PTCHD1: variants seen among roughly 807,000 people sequenced by gnomAD.
PTCHD1 encodes patched domain-containing protein 1.
PTCHD1 carries 3 observed loss-of-function variants against 34.6 expected under a neutral mutation model. The observed-to-expected ratio is 0.09, with a 90% CI of 0.04 to 0.22. The LOEUF (loss-of-function observed/expected upper bound fraction) is 0.22. PTCHD1 is among the 10% of genes least tolerant of loss of function. The pLI is 1.00. For missense variants in PTCHD1, 504 were observed against 685.5 expected (o/e 0.74, Z 2.96); for synonymous variants, 305 against 283.1 (o/e 1.08, Z -0.77).
At chrX:23,362,063 C>G (rs990077279) in intron 1 of PTCHD1, among the ~76,000 whole-genome samples, 1 of 112,244 alleles carries the variant, frequency 8.9e-6, no homozygotes, top group Non-Finnish European at 1.9e-5. Flanking sequence ...CCCGACCTTT[C>G]TCTCTGGCTG....
intron 2 of PTCHD1, among the ~76,000 whole-genome samples, chrX:23,390,018 A>G (rs758653557): frequency 8.9e-6 from 1 of 112,099 alleles, no homozygotes; most frequent in Admixed American, 9.4e-5. Flanking sequence ...AGCTTCTAAG[A>G]TTATTCAACA....
chrX:23,378,026 A>G (rs2146640494), intron 1 of PTCHD1, among the ~76,000 whole-genome samples: 1 of 112,128 alleles, frequency 8.9e-6, no homozygotes, highest in South Asian at 3.7e-4. Flanking sequence ...ATGGCTATCT[A>G]TACTCTTGAG....
Position 23,394,092 on chromosome X carries a change from G to T in PTCHD1, c.2574G>T (p.Glu858Asp), listed in dbSNP as rs777421184. ...FLPPSKKKRK[E>D]KKNPENREEI... ...CACCCTCTAAGAAAAAAAGGAAAGA[G>T]AAGAAAAATCCTGAGAACCGGGAGG... Residue 858 changes from glutamate to aspartate, a missense_variant, in exon 3 of 3, where the codon GAG (glutamate) becomes GAT (aspartate). Physicochemically the swap from Glu to Asp is conservative, Grantham distance 45. Transcript: ENST00000379361. 2.5e-6 allele frequency: 3 copies of T among 1,210,267 alleles called. No individual in the cohort carries two copies. The highest frequency in any genetic ancestry group is 3.4e-6 in the Non-Finnish European group (3 of 894,853).
chrX:23,394,016 T>A lies in PTCHD1; in HGVS notation c.2498T>A (p.Val833Asp). The change falls in exon 3 of 3, where the codon GTC becomes GAC. Residue 833 changes from valine (V) to aspartate (D), a missense_variant. By Grantham distance (152) the Val-to-Asp change is radical. Coordinates refer to ENST00000379361, the MANE Select transcript of PTCHD1 (RefSeq NM_173495.3). ...AGGTGCTTGTTTTTAATAGCATTTG[T>A]CACCTTCTTTCACTGCTTTGCCATT... ...LFRCLFLIAF[V>D]TFFHCFAILP... 1 of 1,210,636 alleles carries A rather than the reference T, an allele frequency of 8.3e-7. No individual in the cohort carries two copies. The highest frequency in any genetic ancestry group is 1.1e-6 in the Non-Finnish European group (1 of 895,048).
rs1400874479 is a variant in PTCHD1, at chrX:23,396,328, T to G, written c.*2143T>G. ...AGCTTTAATCTGAGGGCAAGTACAG[T>G]CCTGACAAAAGGGCAAGTTTGCATA... On this transcript the variant is annotated 3_prime_UTR_variant, in exon 3 of 3. Coordinates refer to ENST00000379361, the MANE Select transcript of PTCHD1 (RefSeq NM_173495.3). The G allele has an allele frequency of 8.9e-6, 1 of 112,193 alleles. No individual in the cohort carries two copies. The highest frequency in any genetic ancestry group is 1.9e-5 in the Non-Finnish European group (1 of 53,216). The allele number at this position is 112,193 out of a possible 1,213,427, so 9.2% of individuals were successfully genotyped here.
At chrX:23,338,845 G>T (rs1258449618) in intron 1 of PTCHD1, among the ~76,000 whole-genome samples, 2 of 112,279 alleles carry the variant, frequency 1.8e-5, no homozygotes, top group Non-Finnish European at 3.8e-5. Flanking sequence ...CCATCCAGTT[G>T]TTCTAATAGT....
chrX:23,369,930 C>T (rs537715024), intron 1 of PTCHD1, among the ~76,000 whole-genome samples: 1 of 112,095 alleles, frequency 8.9e-6, no homozygotes, highest in Admixed American at 9.5e-5. Context: ...AAAAATCGGT[C>T]ACCTTTACAT....
chrX:23,335,920 G>A (rs1281646593), intron 1 of PTCHD1, among the ~76,000 whole-genome samples: 2 of 111,960 alleles, frequency 1.8e-5, no homozygotes, highest in Non-Finnish European at 3.8e-5. Context: ...TTTCACAGTA[G>A]CTCCTCAAGA....
intron 1 of PTCHD1, among the ~76,000 whole-genome samples, chrX:23,372,845 C>T (rs778035864): frequency 1.8e-5 from 2 of 112,130 alleles, no homozygotes; most frequent in East Asian, 5.6e-4. Flanking sequence ...GACCATGAAA[C>T]TCAAGTGAGG....
At chrX:23,352,682 A>G in intron 1 of PTCHD1, among the ~76,000 whole-genome samples, 1 of 111,511 alleles carries the variant, frequency 9.0e-6, no homozygotes, top group Non-Finnish European at 1.9e-5. Context: ...CTGGCTACAT[A>G]TTAGAATCAC....
At chrX:23,376,368 G>A (rs1400068295) in intron 1 of PTCHD1, among the ~76,000 whole-genome samples, 4 of 111,461 alleles carry the variant, frequency 3.6e-5, no homozygotes, top group Non-Finnish European at 7.5e-5. Flanking sequence ...TATATGGATC[G>A]CAGTTGTCCA....
At chrX:23,388,155 C>T (rs950402572) in intron 2 of PTCHD1, among the ~76,000 whole-genome samples, 15 of 111,366 alleles carry the variant, frequency 1.3e-4, no homozygotes, top group African/African-American at 4.9e-4. Context: ...TCCCTACTGA[C>T]CAAAATCAAA....
At chrX:23,373,427 GGATA>G (rs1487261582) in intron 1 of PTCHD1, among the ~76,000 whole-genome samples, 1 of 112,814 alleles carries the variant, frequency 8.9e-6, no homozygotes, top group Non-Finnish European at 1.9e-5. Context: ...GGAAGTGTGT[GGATA>G]GATAGTCACT....
At chrX:23,386,580 C>T (rs1213028290) in intron 2 of PTCHD1, among the ~76,000 whole-genome samples, 1 of 112,204 alleles carries the variant, frequency 8.9e-6, no homozygotes, top group Non-Finnish European at 1.9e-5. Context: ...TCAACCCAGA[C>T]ATATATACAC....
rs1404949801 is a variant in PTCHD1, at chrX:23,393,611, C to T, written c.2093C>T (p.Ala698Val). Residue 698 changes from alanine (A) to valine (V), a missense_variant, in exon 3 of 3, where the codon GCC (alanine) becomes GTC (valine). Transcript: ENST00000379361. ...YMDRYASSLG[A>V]PLHNSCISAL... ...GATCGATATGCCTCCTCTCTGGGAG[C>T]CCCCCTGCACAACTCCTGCATCAGT... 1 of 1,209,150 alleles carries T rather than the reference C, an allele frequency of 8.3e-7. No homozygotes were observed. The highest frequency in any genetic ancestry group is 1.1e-6 in the Non-Finnish European group (1 of 894,652).
chrX:23,358,567 A>C (rs1265163378), intron 1 of PTCHD1, among the ~76,000 whole-genome samples: 1 of 111,628 alleles, frequency 9.0e-6, no homozygotes, highest in Middle Eastern at 4.2e-3. Context: ...AGATGGGTAA[A>C]TTGCAAAAAT....
At chrX:23,349,263 A>T (rs1921561646) in intron 1 of PTCHD1, among the ~76,000 whole-genome samples, 1 of 111,909 alleles carries the variant, frequency 8.9e-6, no homozygotes, top group South Asian at 3.7e-4. Flanking sequence ...CAACAAAAAC[A>T]AAAAACAGAA....
chrX:23,399,397 T>C lies in PTCHD1; in HGVS notation c.*5212T>C, dbSNP rs922029723. On this transcript the variant is annotated 3_prime_UTR_variant, in exon 3 of 3. Coordinates refer to ENST00000379361, the MANE Select transcript of PTCHD1 (RefSeq NM_173495.3). ...CTGAGTTTCCTACAATTAAGTTACA[T>C]GCAAAAATGTGTGTATATGTTCAAC... The C allele has an allele frequency of 6.3e-5, 7 of 111,306 alleles. No homozygotes were observed. Among genetic ancestry groups the C allele is most frequent in the African/African-American group, 1.6e-4 (5 of 30,612 alleles). 9.2% of individuals were successfully genotyped at this position (111,306 alleles called of 1,213,427 possible). A position where few individuals can be genotyped will look rare whatever the true frequency, so the allele number is the denominator to read the frequency against.
chrX:23,374,041 A>T (rs1040767143), intron 1 of PTCHD1, among the ~76,000 whole-genome samples: 1 of 109,919 alleles, frequency 9.1e-6, no homozygotes, highest in Non-Finnish European at 1.9e-5. Context: ...GGGGGTGGAA[A>T]CGTGAGACAA....
Sources: allele counts gnomAD v4.1 joint callset (sites outside exome capture counted in the v4.1 genomes callset), GRCh38; gene constraint gnomAD v4.1.1; transcripts MANE v1.5; gene names NCBI Gene and HGNC (gene_info 2026-07-23, HGNC 2026-07-21).